Variants in PARD3 observed in about 807,000 individuals in gnomAD.
PARD3 encodes par-3 family cell polarity regulator, also known as partitioning defective 3 homolog.
In PARD3, 75 loss-of-function variants were observed where a neutral mutation model predicts 155.4. The observed-to-expected ratio is 0.48, with a 90% CI of 0.40 to 0.58. The LOEUF (loss-of-function observed/expected upper bound fraction) is 0.58, where lower values mean the gene tolerates loss of function less well. Ranked by LOEUF, PARD3 falls within the 20% of genes least tolerant of loss-of-function variation. PARD3 has a pLI of 0.00. For synonymous variants in PARD3, 576 were observed against 610.5 expected (o/e 0.94, Z 0.83); for missense variants, 1,642 against 1,721.7 (o/e 0.95, Z 0.82).
At chr10:34,475,130 G>C (rs1000808670) in intron 3 of PARD3, among the ~76,000 whole-genome samples, 5 of 152,186 alleles carry the variant, frequency 3.3e-5, no homozygotes, top group Non-Finnish European at 5.9e-5. Context: ...TGGGAGGGTA[G>C]AGCTAGTGAT....
At chr10:34,226,266 T>C (rs1360750768) in intron 22 of PARD3, among the ~76,000 whole-genome samples, 1 of 152,142 alleles carries the variant, frequency 6.6e-6, no homozygotes, top group Non-Finnish European at 1.5e-5. Context: ...GGATACACAA[T>C]AGGCTGGGTG....
chr10:34,784,319 G>A lies in PARD3; in HGVS notation c.120+30557C>T, dbSNP rs920045361. Among the ~76,000 whole-genome samples, 9 of 152,262 alleles carry A rather than the reference G, an allele frequency of 5.9e-5. No homozygotes were observed. In the East Asian group the frequency reaches 1.5e-3, roughly 26 times the overall value. On this transcript the variant is annotated intron_variant, in intron 1 of 24. Transcript: ENST00000374788. ...AAGAAAGAAAACTGCAGCCCCATGT[G>A]AGACAGAAGGAGAAAAAAAGACCCA...
At chr10:34,265,439 C>T (rs1214713959) in intron 22 of PARD3, among the ~76,000 whole-genome samples, 1 of 152,132 alleles carries the variant, frequency 6.6e-6, no homozygotes, top group Admixed American at 6.5e-5. Flanking sequence ...AAATGTAGAA[C>T]ACTGCTTCCT....
chr10:34,144,836 C>T (rs1948377347), intron 22 of PARD3, among the ~76,000 whole-genome samples: 2 of 151,978 alleles, frequency 1.3e-5, no homozygotes, highest in Non-Finnish European at 2.9e-5. Flanking sequence ...GCTTATTAAG[C>T]CCAATTTTTT....
chr10:34,727,738 G>A (rs548189846), intron 1 of PARD3, among the ~76,000 whole-genome samples: 47 of 151,954 alleles, frequency 3.1e-4, no homozygotes, highest in African/African-American at 1.1e-3. Context: ...GCCCTGTTAC[G>A]AAACCCCGGC....
At position 34,176,990 on chromosome 10, in the gene PARD3, G is replaced by A. The variant is rs185281881; in HGVS notation, c.3420-45407C>T. Among the ~76,000 whole-genome samples the A allele has an allele frequency of 1.2e-3, 188 of 151,096 alleles. No individual in the cohort carries two copies. The Middle Eastern group carries it at 0.017, about 14-fold the overall frequency. ...GTGTGTCAGGGTATGTGTGTGTGTC[G>A]GGGTGTGTGTGGTGTGGTGTACATG... On this transcript the variant is annotated intron_variant, in intron 22 of 24. Transcript: ENST00000374788.
rs1014068823 is a variant in PARD3 at position 34,110,803 on chromosome 10, G to A, written c.*366C>T. On this transcript the variant is annotated 3_prime_UTR_variant, in exon 25 of 25. Coordinates refer to ENST00000374788, the MANE Select transcript of PARD3 (RefSeq NM_001184785.2). ...AGAACTTAGAGGGAGAAACAGGGCC[G>A]CACGTCATCCTCCACTTCAGGTGAA... 1.9e-4 allele frequency: 32 copies of A among 167,206 alleles called. No homozygotes were observed. Among genetic ancestry groups the A allele is most frequent in the African/African-American group, 6.4e-4 (27 of 42,150 alleles). 10.4% of individuals were successfully genotyped at this position (167,206 alleles called of 1,614,324 possible). A position where few individuals can be genotyped will look rare whatever the true frequency, so the allele number is the denominator to read the frequency against.
intron 19 of PARD3, among the ~76,000 whole-genome samples, chr10:34,321,777 T>G (rs1958394217): frequency 6.6e-6 from 1 of 152,202 alleles, no homozygotes; most frequent in African/African-American, 2.4e-5. Context: ...TAGGACTGGA[T>G]CACCAACAAG....
intron 1 of PARD3, among the ~76,000 whole-genome samples, chr10:34,740,472 A>T (rs2094989107): frequency 6.6e-6 from 1 of 152,196 alleles, no homozygotes; most frequent in Admixed American, 6.5e-5. Flanking sequence ...TTCCTTGACA[A>T]TCACTGTGCC....
intron 1 of PARD3, among the ~76,000 whole-genome samples, chr10:34,716,453 A>AC (rs2094520385): frequency 6.6e-6 from 1 of 152,220 alleles, no homozygotes; most frequent in African/African-American, 2.4e-5. Context: ...ACCTCAAACA[A>AC]CAATAAAACT....
chr10:34,790,416 T>G (rs1841490367), intron 1 of PARD3, among the ~76,000 whole-genome samples: 1 of 152,164 alleles, frequency 6.6e-6, no homozygotes, highest in Admixed American at 6.5e-5. Context: ...GCAGAGTAAC[T>G]GAAAGTGACA....
At chr10:34,123,451 T>C (rs2132707746) in intron 23 of PARD3, among the ~76,000 whole-genome samples, 1 of 152,324 alleles carries the variant, frequency 6.6e-6, no homozygotes, top group Non-Finnish European at 1.5e-5. Context: ...ACATTTTGTT[T>C]TTATTTTAGA....
intron 23 of PARD3, among the ~76,000 whole-genome samples, chr10:34,127,855 C>G (rs1947370829): frequency 6.6e-6 from 1 of 152,068 alleles, no homozygotes; most frequent in Non-Finnish European, 1.5e-5. Flanking sequence ...TATCACACAT[C>G]ACAAAAGAAT....
chr10:34,731,049 T>C (rs1334293682), intron 1 of PARD3, among the ~76,000 whole-genome samples: 1 of 152,226 alleles, frequency 6.6e-6, no homozygotes, highest in Non-Finnish European at 1.5e-5. Flanking sequence ...AGGGTTTCCA[T>C]ATGATAAAGA....
intron 18 of PARD3, among the ~76,000 whole-genome samples, chr10:34,332,705 A>T (rs368087604): frequency 8.1e-4 from 124 of 152,326 alleles, no homozygotes; most frequent in African/African-American, 2.9e-3. Flanking sequence ...ATAATATTCC[A>T]CAAATTGTTG....
chr10:34,594,537 T>C (rs1206370137), intron 2 of PARD3, among the ~76,000 whole-genome samples: 2 of 152,094 alleles, frequency 1.3e-5, no homozygotes, highest in African/African-American at 2.4e-5. Flanking sequence ...ATGGAGTAAG[T>C]GATGCCAGGA....
chr10:34,254,178 G>A (rs542447832), intron 22 of PARD3, among the ~76,000 whole-genome samples: 156 of 152,192 alleles, frequency 1.0e-3, no homozygotes, highest in Middle Eastern at 3.4e-3. Flanking sequence ...TCAGGCGTTC[G>A]AGACCAGCCT....
At position 34,730,155 on chromosome 10, in the gene PARD3, T is replaced by C. The variant is rs1292817434; in HGVS notation, c.121-33736A>G. ...ACCTGATACCAAAATCAGACAAATA[T>C]GTATACATCTTCTCCCTCATGAACT... On this transcript the variant is annotated intron_variant, in intron 1 of 24. Transcript: ENST00000374788. Among the ~76,000 whole-genome samples the C allele has an allele frequency of 3.3e-5, 5 of 152,202 alleles. 1 individual carries two copies. Among genetic ancestry groups the C allele is most frequent in the Admixed American group, 1.3e-4 (2 of 15,260 alleles).
chr10:34,572,640 CAAA>C (rs1197487501), intron 2 of PARD3, among the ~76,000 whole-genome samples: 3 of 69,640 alleles, frequency 4.3e-5, no homozygotes, highest in African/African-American at 5.4e-5. Flanking sequence ...GACTCTGTCT[CAAA>C]AAAAAAAAAA....
Sources: gnomAD v4.1 joint callset for allele counts (sites outside exome capture counted in the v4.1 genomes callset) on GRCh38, gnomAD v4.1.1 for gene constraint, MANE v1.5 for transcripts, NCBI Gene and HGNC (gene_info 2026-07-23, HGNC 2026-07-21) for gene names.